The following ABCA2 variants were observed in gnomAD, a reference collection of about 807,000 sequenced individuals.
The protein encoded by ABCA2 is ATP-binding cassette sub-family A member 2.
A neutral mutation model predicts 262.8 loss-of-function variants in ABCA2; 84 were observed. The observed-to-expected ratio is 0.32, with a 90% confidence interval of 0.27 to 0.38. The LOEUF (loss-of-function observed/expected upper bound fraction) is 0.38, where lower values mean the gene tolerates loss of function less well. Ranked by LOEUF, ABCA2 falls within the 10% of genes least tolerant of loss-of-function variation. The pLI is 1.00. For missense variants in ABCA2, 2,662 were observed against 3,405.9 expected (o/e 0.78, Z 5.44); for synonymous variants, 1,696 against 1,502.9 (o/e 1.13, Z -2.97).
intron 26 of ABCA2, 71 bp downstream of exon 26, chr9:137,014,619 G>T: frequency 6.5e-7 from 1 of 1,546,610 alleles, no homozygotes; most frequent in East Asian, 2.4e-5. Flanking sequence ...CACCAGGCAG[G>T]AGTGACAGCG....
rs370773733 is a variant in ABCA2, at chr9:137,022,933, G to A, written c.275+8C>T. 4.5e-5 allele frequency: 70 copies of A among 1,564,116 alleles called. No homozygotes were observed. The highest frequency in any genetic ancestry group is 8.1e-5 in the African/African-American group (6 of 73,986). ...GGTGGGTGCTCCGAGGGGCGGGTGG[G>A]CACTCACGTGGAGTTGGCGTACTGC... On this transcript the variant is annotated splice_region_variant and intron_variant, in intron 4 of 48. Transcript: ENST00000341511.
chr9:137,026,129 C>G (rs1333030799), intron 1 of ABCA2, among the ~76,000 whole-genome samples: 1 of 152,202 alleles, frequency 6.6e-6, no homozygotes, highest in Non-Finnish European at 1.5e-5. Context: ...GTCCCTGCAC[C>G]AAGAGCAGCC....
At chr9:137,025,833 G>T (rs907117487) in intron 1 of ABCA2, among the ~76,000 whole-genome samples, 3 of 152,250 alleles carry the variant, frequency 2.0e-5, no homozygotes, top group African/African-American at 7.2e-5. Context: ...ACTGGGAGGA[G>T]GAGGAGAGTC....
At chr9:137,028,591 G>T, upstream of ABCA2, 1 of 953,604 alleles carries the variant, frequency 1.0e-6, no homozygotes, top group Non-Finnish European at 1.3e-6. This position sits in a 1 kb window ranked among gnomAD's most constrained non-coding sequence, Gnocchi z 6.9. Context: ...CGACTCTGCA[G>T]AGGCGCCCCA....
intron 29 of ABCA2, 28 bp downstream of exon 29, chr9:137,013,433 C>A (rs1232689825): frequency 1.3e-6 from 2 of 1,583,436 alleles, no homozygotes; most frequent in East Asian, 4.5e-5. Context: ...GCCCCACCCA[C>A]CAAGGCTGCC....
chr9:137,022,523 C>T lies in ABCA2; in HGVS notation c.440-45G>A, dbSNP rs1207429684. On this transcript the variant is annotated intron_variant, in intron 5 of 48. Transcript: ENST00000341511. Reference sequence around the variant, plus strand: ...AGGCTGAGAGGCCGCTGCACCTTGGCAAGGTGCCCCCACATGCGCTCGGAG... The same window carrying T: ...AGGCTGAGAGGCCGCTGCACCTTGGTAAGGTGCCCCCACATGCGCTCGGAG... 2.5e-6 allele frequency: 4 copies of T among 1,598,056 alleles called. No homozygotes were observed. In the South Asian group the frequency reaches 4.5e-5, roughly 18 times the overall value.
chr9:137,009,118 T>A, intron 45 of ABCA2, 65 bp from the exon 46 acceptor site: 2 of 1,356,844 alleles, frequency 1.5e-6, no homozygotes, highest in South Asian at 2.4e-5. Flanking sequence ...CCCCCCAGCC[T>A]CCCAGCCCTA....
At position 137,013,443 on chromosome 9, in the gene ABCA2, C is replaced by T. The variant is rs755579946; in HGVS notation, c.4550+18G>A. 8 of 1,592,122 alleles carry T rather than the reference C, an allele frequency of 5.0e-6. No homozygotes were observed. The African/African-American group carries it at 9.4e-5, about 19-fold the overall frequency. ...CACTCGCCCCACCCACCAAGGCTGC[C>T]CCCGCTGGAGGCCTCACCGGTACTC... On this transcript the variant is annotated intron_variant, in intron 29 of 48. Coordinates refer to ENST00000341511, the MANE Select transcript of ABCA2 (RefSeq NM_001606.5).
At position 137,021,300 on chromosome 9, in the gene ABCA2, C is replaced by T; in HGVS notation, c.897+92G>A. ...GGCAGCATCCCACGCACAGCCTGGG[C>T]CCAGGAGCCCTGAGCTCTCCAAGCG... On this transcript the variant is annotated intron_variant, in intron 8 of 48. Transcript: ENST00000341511. This position sits in a 1 kb window ranked among gnomAD's most constrained non-coding sequence, Gnocchi z 6.0. The T allele has an allele frequency of 6.7e-7, 1 of 1,486,966 alleles. No individual in the cohort carries two copies. Among genetic ancestry groups the T allele is most frequent in the Non-Finnish European group, 9.1e-7 (1 of 1,102,408 alleles). The allele number at this position is 1,486,966 out of a possible 1,614,324, so 92.1% of individuals were successfully genotyped here. A position where few individuals can be genotyped will look rare whatever the true frequency, so the allele number is the denominator to read the frequency against.
At chr9:137,023,990 C>A in intron 2 of ABCA2, 150 bp from the exon 3 acceptor site, 1 of 1,533,776 alleles carries the variant, frequency 6.5e-7, no homozygotes. Flanking sequence ...ACAGCCCAGC[C>A]AGGAGGCACG....
rs764192678 is a variant in ABCA2, at chr9:137,013,415, CT to C, written c.4550+45del. 217 of 1,563,082 alleles carry C rather than the reference CT, an allele frequency of 1.4e-4. No individual in the cohort carries two copies. In the East Asian group the frequency reaches 4.6e-3, roughly 33 times the overall value. ...TGGCCCACCAAGGCTGTCCCCGCCC[CT>C]TCACTCGCCCCACCCACCAAGGCTG... is the stretch of plus-strand genomic sequence containing the variant. On this transcript the variant is annotated intron_variant, in intron 29 of 48. Coordinates refer to ENST00000341511, the MANE Select transcript of ABCA2 (RefSeq NM_001606.5).
rs772423274 is a variant in ABCA2 at position 137,011,838 on chromosome 9, G to A, written c.5535+6C>T. ...CCGGGGCACCCCATGGCCACGCCGG[G>A]CGCACCATGTCCCACACGTAGTTCG... On this transcript the variant is annotated splice_donor_region_variant and intron_variant, in intron 35 of 48. Coordinates refer to ENST00000341511, the MANE Select transcript of ABCA2 (RefSeq NM_001606.5). The surrounding 1 kb of genome is among the most constrained non-coding windows in gnomAD (Gnocchi z 8.8). 8 of 1,576,644 alleles carry A rather than the reference G, an allele frequency of 5.1e-6. No homozygotes were observed. The highest frequency in any genetic ancestry group is 1.8e-5 in the Admixed American group (1 of 54,244).
chr9:137,017,265 G>A lies in ABCA2; in HGVS notation c.2484C>T (p.Pro828=). 6.2e-7 allele frequency: 1 copy of A among 1,612,692 alleles called. No individual in the cohort carries two copies. The highest frequency in any genetic ancestry group is 8.5e-7 in the Non-Finnish European group (1 of 1,179,924). The change falls in exon 18 of 49, where the codon CCC becomes CCT. Residue 828 remains proline, a synonymous_variant. Transcript: ENST00000341511. ...CCTCTCGGATCGCCACGTACATGTAGGGCACGTAGCTCAGGAAGTAGATGA... is the reference window on the plus strand; with the variant it reads ...CCTCTCGGATCGCCACGTACATGTAAGGCACGTAGCTCAGGAAGTAGATGA... ...GGIIYFLSYV[P]YMYVAIREEV...
chr9:137,017,088 T>C lies in ABCA2; in HGVS notation c.2590A>G (p.Lys864Glu), dbSNP rs1473521388. The C allele has an allele frequency of 6.2e-7, 1 of 1,612,514 alleles. No individual in the cohort carries two copies. The highest frequency in any genetic ancestry group is 8.5e-7 in the Non-Finnish European group (1 of 1,179,926). Residue 864 changes from lysine (K) to glutamate (E), a missense_variant, in exon 19 of 49, where the codon AAG becomes GAG. Coordinates refer to ENST00000341511, the MANE Select transcript of ABCA2 (RefSeq NM_001606.5). ...GCCACCTCATACAGCGCGAAGTACT[T>C]AGAGCCCAGACCAAAGGCCGTCGTG... ...MSTTAFGLGS[K>E]YFALYEVAGV...
chr9:137,022,279 A>G, intron 6 of ABCA2, 72 bp downstream of exon 6: 3 of 1,483,098 alleles, frequency 2.0e-6, no homozygotes, highest in Non-Finnish European at 2.7e-6. Context: ...CATCCTGAGG[A>G]TGGCTCAGCA....
rs982996423 is a variant in ABCA2 at position 137,019,874 on chromosome 9, C to T, written c.1425+462G>A. On this transcript the variant is annotated intron_variant, in intron 10 of 48. Transcript: ENST00000341511. The surrounding 1 kb of genome is among the most constrained non-coding windows in gnomAD (Gnocchi z 4.4). ...TCCCTTAAGCACCCAATGCTCCACC[C>T]TCATCTGTCCCACCCTCATCCTAGG... is the stretch of plus-strand genomic sequence containing the variant. 7 of 203,140 alleles carry T rather than the reference C, an allele frequency of 3.4e-5. No homozygotes were observed. Among genetic ancestry groups the T allele is most frequent in the Non-Finnish European group, 6.1e-5 (6 of 98,492 alleles). 12.6% of individuals were successfully genotyped at this position (203,140 alleles called of 1,614,324 possible). A position where few individuals can be genotyped will look rare whatever the true frequency, so the allele number is the denominator to read the frequency against.
rs373098079 is a variant in ABCA2 at position 137,017,522 on chromosome 9, C to T, written c.2382G>A (p.Ala794=). The T allele has an allele frequency of 1.7e-5, 27 of 1,609,650 alleles. No individual in the cohort carries two copies. The highest frequency in any genetic ancestry group is 1.7e-4 in the Middle Eastern group (1 of 6,054). ...VIIWLFLAVY[A]VATIMFCFLV... ...CTCACCAGAACATGATGGTGGCCAC[C>T]GCGTAGACTGCCAGGAAGAGCCAGA... Residue 794 remains alanine (A), a synonymous_variant, in exon 17 of 49, where the codon GCG becomes GCA. Transcript: ENST00000341511.
In ABCA2 at chr9:137,016,946, G is replaced by C; in HGVS notation, c.2732C>G (p.Thr911Arg). 1 of 1,612,700 alleles carries C rather than the reference G, an allele frequency of 6.2e-7. No homozygotes were observed. The highest frequency in any genetic ancestry group is 8.5e-7 in the Non-Finnish European group (1 of 1,179,976). ...MVDAVVYGIL[T>R]WYIEAVHPGM... ...TGGGTGCACAGCCTCAATGTACCAC[G>C]TGAGGATGCCATAGACCACGGCGTC... The change falls in exon 19 of 49, where the codon ACG becomes AGG. Residue 911 changes from threonine (T) to arginine (R), a missense_variant. Physicochemically the swap from Thr to Arg is moderately conservative, Grantham distance 71. Around this residue, in one of 12 missense-constraint regions of ABCA2, gnomAD observed 133 missense variants for 150.8 expected, o/e 0.88. Transcript: ENST00000341511.
rs779804787 is a variant in ABCA2 at position 137,020,858 on chromosome 9, C to T, written c.1101G>A (p.Ala367=). 34 of 1,541,786 alleles carry T rather than the reference C, an allele frequency of 2.2e-5. No individual in the cohort carries two copies. The highest frequency in any genetic ancestry group is 1.2e-4 in the South Asian group (10 of 84,196). The change falls in exon 9 of 49, where the codon GCG becomes GCA. Residue 367 remains alanine (A), a synonymous_variant. Transcript: ENST00000341511. ...PGPPASGAGG[A]ANGTGAGAVM... Reference sequence around the variant, plus strand: ...CTGCCCCTGCCCCAGTGCCATTGGCCGCCCCACCCGCACCACTGGCTGGGG... The same window carrying T: ...CTGCCCCTGCCCCAGTGCCATTGGCTGCCCCACCCGCACCACTGGCTGGGG...
Sources: gnomAD v4.1 joint callset for allele counts (sites outside exome capture counted in the v4.1 genomes callset) on GRCh38, gnomAD v4.1.1 for gene constraint, gnomAD v4.1.1 regional missense constraint, Gnocchi (gnomAD v3.1) non-coding constraint, MANE v1.5 for transcripts, NCBI Gene and HGNC (gene_info 2026-07-23, HGNC 2026-07-21) for gene names.